FOCAD: variants seen among roughly 807,000 people sequenced by gnomAD.
FOCAD encodes the protein KIAA1797.
Under a neutral mutation model 225.6 loss-of-function variants are expected in FOCAD, and 198 were observed. The observed-to-expected ratio is 0.88, with a 90% CI of 0.78 to 0.99. FOCAD has a LOEUF of 0.99. Ranked by LOEUF, FOCAD falls within the 50% of genes least tolerant of loss-of-function variation. The pLI is 0.00. For missense variants in FOCAD, 2,713 were observed against 2,123.6 expected (o/e 1.28, Z -5.46); for synonymous variants, 897 against 755.0 (o/e 1.19, Z -3.08).
At chr9:20,793,460 C>T (rs1394989729) in intron 11 of FOCAD, among the ~76,000 whole-genome samples, 3 of 152,076 alleles carry the variant, frequency 2.0e-5, no homozygotes, top group Non-Finnish European at 4.4e-5. Flanking sequence ...CATTCCTGGG[C>T]GTTAGTGTTG....
At chr9:20,758,066 C>T (rs1294614625) in intron 5 of FOCAD, 24 bp from the exon 6 acceptor site, 2 of 1,533,146 alleles carry the variant, frequency 1.3e-6, no homozygotes, top group East Asian at 2.3e-5. Context: ...AACAGGTTCC[C>T]ATGTGACTTT....
intron 26 of FOCAD, chr9:20,929,114 C>T (rs373381898): frequency 2.9e-5 from 12 of 411,668 alleles, no homozygotes; most frequent in South Asian, 1.2e-4. Flanking sequence ...AAAAGGAAGA[C>T]GCTTGTAATT....
intron 18 of FOCAD, among the ~76,000 whole-genome samples, chr9:20,872,337 A>T (rs1206509964): frequency 6.6e-6 from 1 of 152,290 alleles, no homozygotes; most frequent in East Asian, 1.9e-4. Context: ...TTGACTGCAC[A>T]GAAGGACAGG....
At chr9:20,892,626 C>T (rs1831714521) in intron 21 of FOCAD, among the ~76,000 whole-genome samples, 1 of 152,028 alleles carries the variant, frequency 6.6e-6, no homozygotes, top group African/African-American at 2.4e-5. Flanking sequence ...TAGGGATGAA[C>T]AGAGTGGTTT....
At chr9:20,726,130 C>T (rs1432349142) in intron 4 of FOCAD, among the ~76,000 whole-genome samples, 1 of 152,142 alleles carries the variant, frequency 6.6e-6, no homozygotes, top group Non-Finnish European at 1.5e-5. Flanking sequence ...TAGTTTTGTA[C>T]ACCTTTCAGG....
chr9:20,837,523 T>G (rs977516289), intron 15 of FOCAD, among the ~76,000 whole-genome samples: 2 of 151,938 alleles, frequency 1.3e-5, no homozygotes, highest in Non-Finnish European at 2.9e-5. Context: ...TATACTGGTT[T>G]AAGCTTATAT....
At chr9:20,886,044 T>A (rs909979757) in intron 21 of FOCAD, among the ~76,000 whole-genome samples, 1 of 152,234 alleles carries the variant, frequency 6.6e-6, no homozygotes, top group African/African-American at 2.4e-5. Flanking sequence ...ATTTATACAT[T>A]TGGTTGTAAT....
chr9:20,874,625 T>A, intron 18 of FOCAD, 56 bp from the exon 19 acceptor site: 1 of 1,565,426 alleles, frequency 6.4e-7, no homozygotes, highest in Admixed American at 1.9e-5. Flanking sequence ...ACAGAAAAGA[T>A]TTTGCATAAT....
chr9:20,674,628 G>A (rs1822176658), intron 2 of FOCAD, among the ~76,000 whole-genome samples: 1 of 152,212 alleles, frequency 6.6e-6, no homozygotes, highest in African/African-American at 2.4e-5. Context: ...TCATGAAGTT[G>A]CATCAAAAGA....
In FOCAD at chr9:20,820,430, T is replaced by C. The variant is rs770892422; in HGVS notation, c.1662+5T>C. 3.7e-6 allele frequency: 6 copies of C among 1,608,682 alleles called. No individual in the cohort carries two copies. Among genetic ancestry groups the C allele is most frequent in the Non-Finnish European group, 5.1e-6 (6 of 1,175,790 alleles). On this transcript the variant is annotated splice_donor_5th_base_variant and intron_variant, in intron 13 of 43. Coordinates refer to ENST00000338382, the MANE Select transcript of FOCAD (RefSeq NM_001375567.1). ...ACATCTTTGTGGGAAAAGCAGGTAATTTCAGATATACACTTGCATGAGTAT... is the reference window on the plus strand; with the variant it reads ...ACATCTTTGTGGGAAAAGCAGGTAACTTCAGATATACACTTGCATGAGTAT...
At chr9:20,852,327 G>C (rs1455519421) in intron 15 of FOCAD, among the ~76,000 whole-genome samples, 6 of 151,728 alleles carry the variant, frequency 4.0e-5, no homozygotes, top group Non-Finnish European at 8.9e-5. Flanking sequence ...TCTATGAAAA[G>C]GGACCACAGG....
At chr9:20,950,854 G>A in intron 33 of FOCAD, 142 bp from the exon 34 acceptor site, 1 of 670,742 alleles carries the variant, frequency 1.5e-6, no homozygotes, top group South Asian at 1.7e-5. Flanking sequence ...CTAGACACAT[G>A]ATATTACATC....
At chr9:20,958,248 A>G (rs538666851) in intron 35 of FOCAD, among the ~76,000 whole-genome samples, 2 of 152,330 alleles carry the variant, frequency 1.3e-5, no homozygotes, top group Admixed American at 1.3e-4. Context: ...AAGCAGCCCA[A>G]AAAACAAATG....
At chr9:20,985,613 A>C (rs1330201824) in intron 39 of FOCAD, among the ~76,000 whole-genome samples, 1 of 152,136 alleles carries the variant, frequency 6.6e-6, no homozygotes, top group Non-Finnish European at 1.5e-5. Flanking sequence ...TCACAGCCTA[A>C]TCTTACACGT....
intron 2 of FOCAD, among the ~76,000 whole-genome samples, chr9:20,659,244 A>G (rs1394038255): frequency 7.2e-6 from 1 of 139,018 alleles, no homozygotes; most frequent in Non-Finnish European, 1.6e-5. Flanking sequence ...ACACAAAAAA[A>G]TTTAAAAAGA....
At chr9:20,981,027 C>G (rs1840648207) in intron 37 of FOCAD, among the ~76,000 whole-genome samples, 1 of 152,170 alleles carries the variant, frequency 6.6e-6, no homozygotes, top group Admixed American at 6.5e-5. Flanking sequence ...AGTTGATTTT[C>G]AGCAGTTGAG....
Position 20,778,694 on chromosome 9 carries a change from A to G in FOCAD, c.920A>G (p.Glu307Gly). 1 of 1,609,296 alleles carries G rather than the reference A, an allele frequency of 6.2e-7. No individual in the cohort carries two copies. Among genetic ancestry groups the G allele is most frequent in the Non-Finnish European group, 8.5e-7 (1 of 1,176,212 alleles). The change falls in exon 9 of 44, where the codon GAA (glutamate) becomes GGA (glycine). Residue 307 changes from glutamate to glycine, a missense_variant. Transcript: ENST00000338382. ...CTATTCTTTTAGGATTTTCCTGTTG[A>G]ACTGGTCATAATTGGAATAGCTTTA... Reference protein sequence around the residue: ...VELLKEDFPVELVIIGIALLL... With the variant: ...VELLKEDFPVGLVIIGIALLL...
At chr9:20,849,204 G>T (rs753346023) in intron 15 of FOCAD, among the ~76,000 whole-genome samples, 1 of 151,774 alleles carries the variant, frequency 6.6e-6, no homozygotes, top group Non-Finnish European at 1.5e-5. Flanking sequence ...TCCTTTCCTA[G>T]ACTCCAGGAC....
intron 4 of FOCAD, among the ~76,000 whole-genome samples, chr9:20,738,718 T>G (rs143370547): frequency 1.8e-4 from 28 of 152,296 alleles, no homozygotes. Flanking sequence ...ACTAAACTAT[T>G]TGAGTGTCTA....
Sources: gnomAD v4.1 joint callset for allele counts (sites outside exome capture counted in the v4.1 genomes callset) on GRCh38, gnomAD v4.1.1 for gene constraint, MANE v1.5 for transcripts, NCBI Gene and HGNC (gene_info 2026-07-23, HGNC 2026-07-21) for gene names.